Variants in SCN1A observed in about 807,000 individuals in gnomAD.
The protein encoded by SCN1A is sodium channel protein type 1 subunit alpha.
In SCN1A, 13 loss-of-function variants were observed where a neutral mutation model predicts 193.7. That is an observed-to-expected ratio of 0.07 (90% CI 0.04 to 0.11). SCN1A has a LOEUF of 0.11. Ranked by LOEUF, SCN1A falls within the 10% of genes least tolerant of loss-of-function variation. SCN1A has a pLI of 1.00. For synonymous variants in SCN1A, 781 were observed against 843.6 expected, an observed-to-expected ratio of 0.93 and a Z score of 1.29; for missense variants, 1,432 against 2,451.1, an observed-to-expected ratio of 0.58 and a Z score of 8.78.
At chr2:166,089,333 T>A (rs1037890) in intron 2 of SCN1A, among the ~76,000 whole-genome samples, 57,514 of 151,898 alleles carry the variant, frequency 0.38, 11,439 homozygotes, top group African/African-American at 0.49. Context: ...AGCAGCCCTA[T>A]ATATGAAGAA....
chr2:166,118,954 G>A (rs559133124), intron 2 of SCN1A, among the ~76,000 whole-genome samples: 24 of 152,302 alleles, frequency 1.6e-4, no homozygotes, highest in African/African-American at 5.8e-4. Flanking sequence ...GTTGTTCCAC[G>A]GACATTGTGG....
intron 12 of SCN1A, among the ~76,000 whole-genome samples, chr2:166,045,533 A>G (rs1488255590): frequency 6.6e-6 from 1 of 152,104 alleles, no homozygotes; most frequent in Non-Finnish European, 1.5e-5. Flanking sequence ...AGTTTGCTCC[A>G]TGGTAACATT....
intron 5 of SCN1A, among the ~76,000 whole-genome samples, chr2:166,057,826 T>A (rs968399416): frequency 6.6e-6 from 1 of 152,042 alleles, no homozygotes; most frequent in Non-Finnish European, 1.5e-5. Context: ...CAATCAGAAG[T>A]GAATTGTTTT....
In SCN1A at chr2:166,037,758, T is replaced by C; in HGVS notation, c.2946+18A>G. The stretch of plus-strand genomic sequence containing the variant: ...TGCTGGTGTATTTCCAAAATGCATA[T>C]CTTAAGTGGGTACATACCACTAGGT... On this transcript the variant is annotated intron_variant, in intron 18 of 28. Coordinates refer to ENST00000674923, the MANE Select transcript of SCN1A (RefSeq NM_001165963.4). 3 of 1,612,402 alleles carry C rather than the reference T, an allele frequency of 1.9e-6. No individual in the cohort carries two copies. Among genetic ancestry groups the C allele is most frequent in the Non-Finnish European group, 2.5e-6 (3 of 1,178,508 alleles).
At chr2:166,026,931 C>T (rs1288878274) in intron 19 of SCN1A, among the ~76,000 whole-genome samples, 1 of 151,978 alleles carries the variant, frequency 6.6e-6, no homozygotes, top group Non-Finnish European at 1.5e-5. Context: ...GATTCGCCCG[C>T]CTCGGCCTCC....
chr2:166,004,816 C>T (rs541296947), intron 23 of SCN1A, among the ~76,000 whole-genome samples: 1 of 151,426 alleles, frequency 6.6e-6, no homozygotes, highest in Non-Finnish European at 1.5e-5. Flanking sequence ...ACTCTCCCCT[C>T]TTAAAGGCTT....
chr2:166,029,320 G>C (rs1360537827), intron 19 of SCN1A, among the ~76,000 whole-genome samples: 1 of 152,128 alleles, frequency 6.6e-6, no homozygotes, highest in African/African-American at 2.4e-5. Context: ...CCCGTTTGGA[G>C]GCTGTAGCAG....
chr2:166,105,503 G>A (rs1224331659), intron 2 of SCN1A, among the ~76,000 whole-genome samples: 1 of 152,072 alleles, frequency 6.6e-6, no homozygotes, highest in South Asian at 2.1e-4. Context: ...TAATCATCAC[G>A]TATTTGACCA....
At chr2:166,058,747 T>C (rs1699376896) in intron 4 of SCN1A, 59 bp from the exon 5 acceptor site, 2 of 933,790 alleles carry the variant, frequency 2.1e-6, no homozygotes, top group Non-Finnish European at 3.5e-6. Context: ...AACTCTGTTA[T>C]CTACTTTCTG....
At chr2:166,084,627 G>A (rs1391650576) in intron 2 of SCN1A, among the ~76,000 whole-genome samples, 1 of 152,122 alleles carries the variant, frequency 6.6e-6, no homozygotes, top group Non-Finnish European at 1.5e-5. Context: ...ATGCTGGTTG[G>A]GGGTTGGGAG....
At chr2:166,135,039 G>C (rs1356667609) in intron 1 of SCN1A, among the ~76,000 whole-genome samples, 1 of 152,096 alleles carries the variant, frequency 6.6e-6, no homozygotes. Context: ...TCTTTCCTTT[G>C]CTCTTAAGTC....
chr2:166,058,501 G>T lies in SCN1A; in HGVS notation c.383+69C>A, dbSNP rs1574300653. 2.9e-5 allele frequency: 25 copies of T among 866,922 alleles called. No homozygotes were observed. The East Asian group carries it at 5.6e-4, about 20-fold the overall frequency. 53.7% of individuals were successfully genotyped at this position (866,922 alleles called of 1,614,324 possible). ...ATATGGACATTTCCCAACTTAATTT[G>T]ATATTTAGCTATAAAGTGCTTACAG... On this transcript the variant is annotated intron_variant, in intron 5 of 28. Transcript: ENST00000674923.
intron 6 of SCN1A, among the ~76,000 whole-genome samples, 200 bp downstream of exon 6, chr2:166,056,211 C>G (rs540214238): frequency 1.3e-5 from 2 of 152,112 alleles, no homozygotes; most frequent in South Asian, 4.1e-4. Flanking sequence ...CAGGTGAACA[C>G]CAGGTACAGG....
At chr2:166,130,284 C>A (rs1270988276), upstream of SCN1A, among the ~76,000 whole-genome samples, 1 of 152,220 alleles carries the variant, frequency 6.6e-6, no homozygotes, top group Non-Finnish European at 1.5e-5. Flanking sequence ...TTATTCACTT[C>A]TTCATGCACC....
At chr2:166,044,956 A>AAATTCCTGAGTCCATTTTCT (rs1697613970) in intron 13 of SCN1A, 87 bp downstream of exon 13, 1 of 1,435,442 alleles carries the variant, frequency 7.0e-7, no homozygotes, top group African/African-American at 1.4e-5. Flanking sequence ...CAGTTGATAA[A>AAATTCCTGAGTCCATTTTCT]AATTCCTGAG....
intron 19 of SCN1A, among the ~76,000 whole-genome samples, chr2:166,030,559 A>G (rs1695427973): frequency 6.6e-6 from 1 of 152,178 alleles, no homozygotes; most frequent in African/African-American, 2.4e-5. Flanking sequence ...ATTTAAATGG[A>G]ATTAAGTAGT....
At chr2:166,034,798 TA>T (rs1696113493) in intron 19 of SCN1A, among the ~76,000 whole-genome samples, 1 of 152,132 alleles carries the variant, frequency 6.6e-6, no homozygotes, top group East Asian at 1.9e-4. Context: ...CTGGTGCACT[TA>T]TAAGAAGAAG....
At chr2:166,021,136 C>A (rs1284675180) in intron 19 of SCN1A, among the ~76,000 whole-genome samples, 3 of 152,174 alleles carry the variant, frequency 2.0e-5, no homozygotes, top group Non-Finnish European at 2.9e-5. Context: ...TCATGGCTAA[C>A]CCTTATGATA....
At chr2:166,123,315 T>A (rs1307487833) in intron 2 of SCN1A, among the ~76,000 whole-genome samples, 1 of 148,648 alleles carries the variant, frequency 6.7e-6, no homozygotes, top group Non-Finnish European at 1.5e-5. Flanking sequence ...CTATGGGGGA[T>A]GTAAACACTG....
Sources: allele counts gnomAD v4.1 joint callset (sites outside exome capture counted in the v4.1 genomes callset), GRCh38; gene constraint gnomAD v4.1.1; transcripts MANE v1.5; gene names NCBI Gene and HGNC (gene_info 2026-07-23, HGNC 2026-07-21).